Variants in TP53I11 observed in about 807,000 individuals in gnomAD.
TP53I11 encodes tumor protein p53-inducible protein 11.
Under a neutral mutation model 23.3 loss-of-function variants are expected in TP53I11, and 9 were observed. The ratio of observed to expected loss-of-function variants is 0.39; its 90% CI spans 0.23 to 0.67. TP53I11 has a LOEUF of 0.67. TP53I11 is among the 30% of genes least tolerant of loss of function. The pLI is 0.48. For synonymous variants in TP53I11, 100 were observed against 106.1 expected, an observed-to-expected ratio of 0.94 and a Z score of 0.35; for missense variants, 170 against 255.2, an observed-to-expected ratio of 0.67 and a Z score of 2.27.
chr11:44,942,269 C>CA (rs1861924733), intron 1 of TP53I11, among the ~76,000 whole-genome samples: 1 of 146,636 alleles, frequency 6.8e-6, no homozygotes, highest in Non-Finnish European at 1.5e-5. Flanking sequence ...CACACACCCA[C>CA]CACACACATC....
At chr11:44,937,115 A>G (rs1249485469) in intron 4 of TP53I11, 189 bp downstream of exon 4, 2 of 806,658 alleles carry the variant, frequency 2.5e-6, no homozygotes, top group Non-Finnish European at 4.0e-6. Context: ...AAACCATGGG[A>G]TCTAGTGTGC....
In TP53I11 at chr11:44,937,318, CG is replaced by C; in HGVS notation, c.222del (p.Gly75AlafsTer23). On this transcript the variant is annotated frameshift_variant, in exon 4 of 7. Transcript: ENST00000525680. LOFTEE classifies it high-confidence loss of function. ...TGGGGGCTCACCATGATGGCAATGCCGGAGAAGAGCACAGCAGAGACGAACT... is the reference window on the plus strand; with the variant it reads ...TGGGGGCTCACCATGATGGCAATGCCGAGAAGAGCACAGCAGAGACGAACT... ...VWQFVSAVLF[S>X]GIAIMALAFP... 1.3e-6 allele frequency: 2 copies of C among 1,501,630 alleles called. No homozygotes were observed. The highest frequency in any genetic ancestry group is 2.4e-5 in the East Asian group (1 of 41,070). 93.0% of individuals were successfully genotyped at this position (1,501,630 alleles called of 1,614,324 possible). A position where few individuals can be genotyped will look rare whatever the true frequency, so the allele number is the denominator to read the frequency against.
intron 6 of TP53I11, 57 bp from the exon 7 acceptor site, chr11:44,935,074 C>G: frequency 3.1e-6 from 5 of 1,605,746 alleles, no homozygotes; most frequent in Non-Finnish European, 4.2e-6. Flanking sequence ...TGTCCCAGCG[C>G]TGCCCCCCTA....
At chr11:44,941,285 C>T (rs984592942) in intron 1 of TP53I11, among the ~76,000 whole-genome samples, 3 of 152,192 alleles carry the variant, frequency 2.0e-5, no homozygotes, top group Non-Finnish European at 2.9e-5. Flanking sequence ...TACTTTTCCT[C>T]TCTGAGCTCC....
At chr11:44,935,918 CCG>C in intron 5 of TP53I11, 1 of 565,584 alleles carries the variant, frequency 1.8e-6, no homozygotes, top group Admixed American at 3.2e-5. Context: ...AGTCACTTCC[CCG>C]CATTGAGACT....
intron 2 of TP53I11, 106 bp from the exon 3 acceptor site, chr11:44,937,719 C>T: frequency 8.2e-7 from 1 of 1,212,938 alleles, no homozygotes; most frequent in South Asian, 1.3e-5. Context: ...GCCTGGGCAC[C>T]TCAGCTTGGC....
chr11:44,935,688 T>TGGGGGGGGGATTAAATGGGGGGGG, intron 5 of TP53I11, 26 bp from the exon 6 acceptor site: 1 of 424,494 alleles, frequency 2.4e-6, no homozygotes, highest in Admixed American at 3.3e-5. Context: ...AAAAGGGGGC[T>TGGGGGGGGGATTAAATGGGGGGGG]GGGGGTGGGA....
rs556403793 is a variant in TP53I11 at position 44,941,428 on chromosome 11, G to A, written c.-31-3062C>T. 5.3e-5 allele frequency among the ~76,000 whole-genome samples: 8 copies of A among 152,284 alleles called. 1 individual carries two copies. The highest frequency in any genetic ancestry group is 1.9e-4 in the African/African-American group (8 of 41,566). Reference sequence around the variant, plus strand: ...ACTGCTCAAGCCAGAAGGCCTAATGGGTAAGTGCTTAACTGCTGAGGACGC... The same window carrying A: ...ACTGCTCAAGCCAGAAGGCCTAATGAGTAAGTGCTTAACTGCTGAGGACGC... On this transcript the variant is annotated intron_variant, in intron 1 of 6. Transcript: ENST00000525680.
At chr11:44,949,787 C>A (rs987240399) in intron 1 of TP53I11, among the ~76,000 whole-genome samples, 4 of 152,308 alleles carry the variant, frequency 2.6e-5, no homozygotes, top group Admixed American at 2.6e-4. Context: ...ACCCTTCCTG[C>A]AGATCGCGCG....
rs1860915340 is a variant in TP53I11 at position 44,934,976 on chromosome 11, C to A, written c.478G>T (p.Gly160Trp). Residue 160 changes from glycine to tryptophan, a missense_variant, in exon 7 of 7, where the codon GGG (glycine) becomes TGG (tryptophan). By Grantham distance (184) the Gly-to-Trp change is radical. Transcript: ENST00000525680. ...CGGCTGACCAGGAGCAGCAGGATCC[C>A]CAGGGACATGAGGCCCGTCTCAGCT... ...TLAETGLMSL[G>W]ILLLLVSRLL... 1 of 1,614,028 alleles carries A rather than the reference C, an allele frequency of 6.2e-7. No homozygotes were observed. The highest frequency in any genetic ancestry group is 8.5e-7 in the Non-Finnish European group (1 of 1,179,990).
intron 5 of TP53I11, chr11:44,935,897 G>A (rs1861054152): frequency 3.4e-6 from 2 of 583,288 alleles, no homozygotes; most frequent in African/African-American, 1.9e-5. Flanking sequence ...GGCCCTATGT[G>A]ACACTGGGCG....
intron 1 of TP53I11, among the ~76,000 whole-genome samples, chr11:44,943,833 G>A (rs890223092): frequency 1.3e-5 from 2 of 152,190 alleles, no homozygotes; most frequent in African/African-American, 2.4e-5. Flanking sequence ...TCCCCGTGAG[G>A]CTGGGGTGCA....
intron 1 of TP53I11, among the ~76,000 whole-genome samples, chr11:44,947,647 T>C (rs573473165): frequency 2.4e-4 from 37 of 152,260 alleles, no homozygotes; most frequent in Non-Finnish European, 4.4e-5. Flanking sequence ...CAGGACTGAG[T>C]GTCTCCCCAA....
intron 1 of TP53I11, among the ~76,000 whole-genome samples, chr11:44,946,796 T>C (rs2135508500): frequency 6.6e-6 from 1 of 152,214 alleles, no homozygotes; most frequent in African/African-American, 2.4e-5. Context: ...AAAATGAGAA[T>C]GTGGTCTCTA....
At chr11:44,941,694 C>T (rs994524986) in intron 1 of TP53I11, among the ~76,000 whole-genome samples, 1 of 152,120 alleles carries the variant, frequency 6.6e-6, no homozygotes, top group Non-Finnish European at 1.5e-5. Flanking sequence ...TGCCACCCTC[C>T]CCAGGCCTCC....
chr11:44,938,374 G>T lies in TP53I11; in HGVS notation c.-31-8C>A, dbSNP rs1371171627. The T allele has an allele frequency of 1.3e-6, 2 of 1,532,320 alleles. No individual in the cohort carries two copies. Among genetic ancestry groups the T allele is most frequent in the Admixed American group, 2.0e-5 (1 of 50,742 alleles). The allele number at this position is 1,532,320 out of a possible 1,614,324, so 94.9% of individuals were successfully genotyped here. A position where few individuals can be genotyped will look rare whatever the true frequency, so the allele number is the denominator to read the frequency against. ...CCGGCCTCTGCAGAAGGGCTGAGGG[G>T]AGACACCGGCCTCAGGCCACAGTTC... On this transcript the variant is annotated splice_polypyrimidine_tract_variant and splice_region_variant and intron_variant, in intron 1 of 6. Coordinates refer to ENST00000525680, the MANE Select transcript of TP53I11 (RefSeq NM_006034.5).
At chr11:44,935,510 CAG>C in intron 6 of TP53I11, 49 bp downstream of exon 6, 1 of 1,553,730 alleles carries the variant, frequency 6.4e-7, no homozygotes, top group East Asian at 2.2e-5. Flanking sequence ...GCAGGCAGGT[CAG>C]GGGCGAAGCG....
chr11:44,944,927 T>C lies in TP53I11; in HGVS notation c.-32+5750A>G, dbSNP rs555547722. 2.0e-5 allele frequency among the ~76,000 whole-genome samples: 3 copies of C among 151,958 alleles called. No individual in the cohort carries two copies. The East Asian group carries it at 5.8e-4, about 29-fold the overall frequency. On this transcript the variant is annotated intron_variant, in intron 1 of 6. Coordinates refer to ENST00000525680, the MANE Select transcript of TP53I11 (RefSeq NM_006034.5). ...ATCCTGGAGGACTTCCCCAACCCCC[T>C]GTCTCTTTCCCAGGAAGCCTGGTTT...
At chr11:44,946,860 C>T (rs1229924393) in intron 1 of TP53I11, among the ~76,000 whole-genome samples, 2 of 152,226 alleles carry the variant, frequency 1.3e-5, no homozygotes, top group African/African-American at 2.4e-5. Flanking sequence ...CCTGCTGGGC[C>T]CCAGCTCAAG....
Sources: allele counts gnomAD v4.1 joint callset (sites outside exome capture counted in the v4.1 genomes callset), GRCh38; gene constraint gnomAD v4.1.1; transcripts MANE v1.5; gene names NCBI Gene and HGNC (gene_info 2026-07-23, HGNC 2026-07-21).